The following GTF2E1 variants were observed in gnomAD, a reference collection of about 807,000 sequenced individuals.
GTF2E1 encodes TFIIE alpha subunit.
GTF2E1 carries 14 observed loss-of-function variants against 34.9 expected under a neutral mutation model. That is an observed-to-expected ratio of 0.40 (90% CI 0.27 to 0.63). The LOEUF (loss-of-function observed/expected upper bound fraction) is 0.63, where lower values mean the gene tolerates loss of function less well. Ranked by LOEUF, GTF2E1 falls within the 20% of genes least tolerant of loss-of-function variation. The pLI is 0.39. For synonymous variants in GTF2E1, 188 were observed against 192.9 expected, an observed-to-expected ratio of 0.97 and a Z score of 0.21; for missense variants, 469 against 557.7, an observed-to-expected ratio of 0.84 and a Z score of 1.60.
intron 2 of GTF2E1, among the ~76,000 whole-genome samples, chr3:120,764,445 G>A (rs1709290219): frequency 6.6e-6 from 1 of 152,154 alleles, no homozygotes; most frequent in Non-Finnish European, 1.5e-5. Flanking sequence ...AGTCCCACTT[G>A]AGCACTTAAG....
intron 2 of GTF2E1, among the ~76,000 whole-genome samples, chr3:120,758,049 A>G (rs1236015633): frequency 6.6e-6 from 1 of 152,014 alleles, no homozygotes; most frequent in Non-Finnish European, 1.5e-5. Context: ...AGTTCCAGCT[A>G]CTCCGGAGGC....
chr3:120,751,072 A>C (rs1033367895), intron 2 of GTF2E1, 72 bp downstream of exon 2: 1 of 908,752 alleles, frequency 1.1e-6, no homozygotes, highest in African/African-American at 1.7e-5. Context: ...TGATTCATCT[A>C]ATTTTTAAAC....
intron 4 of GTF2E1, among the ~76,000 whole-genome samples, chr3:120,780,653 A>G (rs1709438777): frequency 6.6e-6 from 1 of 152,322 alleles, no homozygotes; most frequent in South Asian, 2.1e-4. Context: ...CTGTTATGCC[A>G]GCTACTCTAG....
intron 2 of GTF2E1, among the ~76,000 whole-genome samples, chr3:120,759,697 TC>T (rs1302810368): frequency 6.6e-6 from 1 of 152,238 alleles, no homozygotes; most frequent in Non-Finnish European, 1.5e-5. Flanking sequence ...AAATAGGGAA[TC>T]TTTTCCTCAT....
intron 2 of GTF2E1, among the ~76,000 whole-genome samples, chr3:120,762,896 A>G (rs907507843): frequency 1.3e-5 from 2 of 152,208 alleles, no homozygotes; most frequent in Non-Finnish European, 2.9e-5. Context: ...TTCTAAAAGT[A>G]TGGAGAAGCT....
Position 120,781,685 on chromosome 3 carries a change from C to A in GTF2E1, c.*215C>A. ...ATCCTACCCTTCCTTGCTGTCACTACAGTATTAATATTTTACTGTATTTTC... is the reference window on the plus strand; with the variant it reads ...ATCCTACCCTTCCTTGCTGTCACTAAAGTATTAATATTTTACTGTATTTTC... On this transcript the variant is annotated 3_prime_UTR_variant, in exon 5 of 5. Coordinates refer to ENST00000283875, the MANE Select transcript of GTF2E1 (RefSeq NM_005513.3). 1 of 545,172 alleles carries A rather than the reference C, an allele frequency of 1.8e-6. No individual in the cohort carries two copies. The highest frequency in any genetic ancestry group is 3.3e-6 in the Non-Finnish European group (1 of 305,820). 33.8% of individuals were successfully genotyped at this position (545,172 alleles called of 1,614,324 possible).
chr3:120,760,672 A>T (rs950760333), intron 2 of GTF2E1, among the ~76,000 whole-genome samples: 42 of 152,242 alleles, frequency 2.8e-4, no homozygotes, highest in African/African-American at 8.4e-4. Flanking sequence ...TTCTGCATCT[A>T]TTGAGATAAT....
chr3:120,766,862 G>A (rs378759), intron 2 of GTF2E1, among the ~76,000 whole-genome samples: 29,617 of 151,844 alleles, frequency 0.2, 4,480 homozygotes, highest in East Asian at 0.48. Flanking sequence ...CTGGGTTTCC[G>A]TGTCCTCCTG....
At position 120,776,523 on chromosome 3, in the gene GTF2E1, A is replaced by C. The variant is rs1480637916; in HGVS notation, c.751A>C (p.Thr251Pro). The change falls in exon 4 of 5, where the codon ACT becomes CCT. Residue 251 changes from threonine (T) to proline (P), a missense_variant. Physicochemically the swap from Thr to Pro is conservative, Grantham distance 38. Transcript: ENST00000283875. ...AGGTCCTTCCTATGAAGACTTATAC[A>C]CTCAGAATGTTGTCATTAACATGGA... ...TKGPSYEDLY[T>P]QNVVINMDDQ... 1.2e-6 allele frequency: 2 copies of C among 1,613,872 alleles called. No individual in the cohort carries two copies. Among genetic ancestry groups the C allele is most frequent in the Non-Finnish European group, 1.7e-6 (2 of 1,179,922 alleles).
intron 3 of GTF2E1, among the ~76,000 whole-genome samples, chr3:120,774,717 C>T (rs187926538): frequency 6.6e-6 from 1 of 150,932 alleles, no homozygotes; most frequent in Admixed American, 6.6e-5. Flanking sequence ...GAGCAAATAA[C>T]TGGTAGAAAG....
intron 2 of GTF2E1, among the ~76,000 whole-genome samples, chr3:120,758,832 T>C (rs1318996900): frequency 6.6e-6 from 1 of 152,226 alleles, no homozygotes; most frequent in Non-Finnish European, 1.5e-5. Flanking sequence ...GACAGTCATT[T>C]GGGTTGGTTC....
At chr3:120,770,580 A>G (rs1272599687) in intron 2 of GTF2E1, 148 bp from the exon 3 acceptor site, 1 of 630,624 alleles carries the variant, frequency 1.6e-6, no homozygotes, top group Non-Finnish European at 2.9e-6. Context: ...TAGAATCTAA[A>G]TGGTGGTCAC....
chr3:120,746,026 CTT>C (rs796387681), intron 1 of GTF2E1, among the ~76,000 whole-genome samples: 156 of 152,232 alleles, frequency 1.0e-3, no homozygotes, highest in African/African-American at 3.7e-3. Context: ...TTTTGACTGA[CTT>C]TTACTTTTCC....
chr3:120,760,364 T>G (rs1006808559), intron 2 of GTF2E1, among the ~76,000 whole-genome samples: 3 of 152,226 alleles, frequency 2.0e-5, no homozygotes, highest in Non-Finnish European at 4.4e-5. Flanking sequence ...TACAATCATG[T>G]CATCTACAAA....
intron 2 of GTF2E1, among the ~76,000 whole-genome samples, chr3:120,764,835 C>A (rs1559832587): frequency 1.3e-5 from 2 of 151,840 alleles, no homozygotes; most frequent in Non-Finnish European, 2.9e-5. Flanking sequence ...TGACTGAATA[C>A]CCATATAATT....
At chr3:120,778,883 C>T (rs1709423937) in intron 4 of GTF2E1, among the ~76,000 whole-genome samples, 1 of 152,112 alleles carries the variant, frequency 6.6e-6, no homozygotes, top group Admixed American at 6.6e-5. Flanking sequence ...CTTGCACTTG[C>T]TGAAATAGAA....
At chr3:120,749,094 T>C (rs191607077) in intron 1 of GTF2E1, among the ~76,000 whole-genome samples, 19 of 152,348 alleles carry the variant, frequency 1.2e-4, no homozygotes, top group African/African-American at 3.4e-4. Context: ...TTTTTGTACA[T>C]TGATTTTGTG....
At chr3:120,752,671 A>C (rs1363912438) in intron 2 of GTF2E1, among the ~76,000 whole-genome samples, 1 of 152,230 alleles carries the variant, frequency 6.6e-6, no homozygotes, top group Non-Finnish European at 1.5e-5. Flanking sequence ...AGATGGCCTA[A>C]CATTCCATCC....
intron 1 of GTF2E1, among the ~76,000 whole-genome samples, chr3:120,746,065 T>C (rs1709102418): frequency 6.6e-6 from 1 of 152,070 alleles, no homozygotes; most frequent in African/African-American, 2.4e-5. Flanking sequence ...CCTTATATTT[T>C]CCCCCCAAAA....
Sources: allele counts gnomAD v4.1 joint callset (sites outside exome capture counted in the v4.1 genomes callset), GRCh38; gene constraint gnomAD v4.1.1; transcripts MANE v1.5; gene names NCBI Gene and HGNC (gene_info 2026-07-23, HGNC 2026-07-21).